The following FAM168A variants were observed in gnomAD, a reference collection of about 807,000 sequenced individuals.
FAM168A encodes protein FAM168A.
FAM168A carries 3 observed loss-of-function variants against 28.5 expected under a neutral mutation model. The observed-to-expected ratio is 0.11, with a 90% confidence interval of 0.05 to 0.27. The LOEUF is 0.27. FAM168A is among the 10% of genes least tolerant of loss of function. The pLI is 1.00. For synonymous variants in FAM168A, 122 were observed against 124.2 expected, an observed-to-expected ratio of 0.98 and a Z score of 0.12; for missense variants, 222 against 311.5, an observed-to-expected ratio of 0.71 and a Z score of 2.16.
intron 2 of FAM168A, among the ~76,000 whole-genome samples, chr11:73,460,520 T>TG (rs1468792659): frequency 6.7e-6 from 1 of 149,222 alleles, no homozygotes; most frequent in Non-Finnish European, 1.5e-5. Flanking sequence ...TTTTTTTTTT[T>TG]TGAGACAAAG....
chr11:73,540,491 A>C (rs1943640220), intron 1 of FAM168A, among the ~76,000 whole-genome samples: 1 of 152,038 alleles, frequency 6.6e-6, no homozygotes, highest in African/African-American at 2.4e-5. Context: ...TGACTCCACA[A>C]CTCTATGCAT....
In FAM168A at chr11:73,470,140, G is replaced by C. The variant is rs150654470; in HGVS notation, c.-18-1648C>G. ...TTAGCCAGGATGGTCTCGAACTCCT[G>C]ACCTCGTGATCCACCCACCTCAGCC... is the stretch of plus-strand genomic sequence containing the variant. On this transcript the variant is annotated intron_variant, in intron 1 of 7. Transcript: ENST00000356467. Among the ~76,000 whole-genome samples, 113 of 152,224 alleles carry C rather than the reference G, an allele frequency of 7.4e-4. 1 individual carries two copies. The East Asian group carries it at 0.021, about 28-fold the overall frequency.
intron 1 of FAM168A, among the ~76,000 whole-genome samples, chr11:73,557,185 C>T (rs762775328): frequency 4.6e-5 from 7 of 152,108 alleles, no homozygotes; most frequent in Non-Finnish European, 8.8e-5. Context: ...AATTCTGACA[C>T]GTACCAAAAC....
In FAM168A at chr11:73,422,369, G is replaced by A. The variant is rs188924367; in HGVS notation, c.152-2370C>T. Reference sequence around the variant, plus strand: ...GAAAATGAATTAGTGTTTTCCGTACGCCTCTGTATATTTGAATCCTTATAA... The same window carrying A: ...GAAAATGAATTAGTGTTTTCCGTACACCTCTGTATATTTGAATCCTTATAA... On this transcript the variant is annotated intron_variant, in intron 3 of 7. Coordinates refer to ENST00000356467, the MANE Select transcript of FAM168A (RefSeq NM_015159.3). Among the ~76,000 whole-genome samples, 444 of 151,888 alleles carry A rather than the reference G, an allele frequency of 2.9e-3. 1 individual carries two copies. Among genetic ancestry groups the A allele is most frequent in the Middle Eastern group, 0.01 (3 of 294 alleles).
rs1944354341 is a variant in FAM168A, at chr11:73,589,422, TG to T, written c.-19+8500del. On this transcript the variant is annotated intron_variant, in intron 1 of 7. Coordinates refer to ENST00000356467, the MANE Select transcript of FAM168A (RefSeq NM_015159.3). ...TGGGCGTCCAACCTTTTGGTTTCCC[TG>T]GGCTACACTGGAAGAAAAATTGACT... Among the ~76,000 whole-genome samples, 2 of 150,338 alleles carry T rather than the reference TG, an allele frequency of 1.3e-5. 1 individual carries two copies. Among genetic ancestry groups the T allele is most frequent in the Non-Finnish European group, 3.0e-5 (2 of 67,796 alleles).
chr11:73,436,411 T>A (rs1183316862), intron 2 of FAM168A, among the ~76,000 whole-genome samples: 1 of 152,112 alleles, frequency 6.6e-6, no homozygotes, highest in Non-Finnish European at 1.5e-5. Flanking sequence ...TACTTCTTTG[T>A]GAGCAGGAGA....
Position 73,414,196 on chromosome 11 carries a change from GT to G in FAM168A, c.278-2661del, listed in dbSNP as rs2134486519. ...TTTAAAACAATTAAATTTCAGCCAT[GT>G]TTTTTGTAATTGAAGCTAGTTTTGG... On this transcript the variant is annotated intron_variant, in intron 4 of 7. Transcript: ENST00000356467. Among the ~76,000 whole-genome samples the G allele has an allele frequency of 2.0e-5, 3 of 152,170 alleles. No homozygotes were observed. In the East Asian group the frequency reaches 5.8e-4, roughly 29 times the overall value.
At chr11:73,464,065 A>G (rs1469284614) in intron 2 of FAM168A, among the ~76,000 whole-genome samples, 3 of 152,188 alleles carry the variant, frequency 2.0e-5, no homozygotes, top group Non-Finnish European at 1.5e-5. Context: ...ATAGCCATGT[A>G]TGCTAGAGCC....
intron 2 of FAM168A, among the ~76,000 whole-genome samples, chr11:73,449,143 T>C (rs959890886): frequency 2.0e-5 from 3 of 152,042 alleles, no homozygotes; most frequent in Admixed American, 2.0e-4. Context: ...ATTTAAAAAT[T>C]TTTTTTTGGA....
chr11:73,467,582 T>C (rs181456579), intron 2 of FAM168A, among the ~76,000 whole-genome samples: 14 of 152,296 alleles, frequency 9.2e-5, no homozygotes, highest in Non-Finnish European at 1.6e-4. Context: ...AATAGATAAA[T>C]GCAACTGTTC....
chr11:73,495,803 A>G (rs1000231048), intron 1 of FAM168A, among the ~76,000 whole-genome samples: 2 of 152,226 alleles, frequency 1.3e-5, no homozygotes, highest in African/African-American at 4.8e-5. Flanking sequence ...AGAAATTGGA[A>G]CCCTTATTTA....
At chr11:73,441,231 TG>T (rs1165252746) in intron 2 of FAM168A, among the ~76,000 whole-genome samples, 1 of 151,974 alleles carries the variant, frequency 6.6e-6, no homozygotes, top group African/African-American at 2.4e-5. Flanking sequence ...GCTAATTTTT[TG>T]TATCTTAGTA....
chr11:73,494,529 C>T (rs1176298507), intron 1 of FAM168A, among the ~76,000 whole-genome samples: 1 of 152,190 alleles, frequency 6.6e-6, no homozygotes, highest in African/African-American at 2.4e-5. Context: ...CCTGGCAGAA[C>T]CACCCTTGTT....
intron 1 of FAM168A, among the ~76,000 whole-genome samples, chr11:73,505,646 TCTCA>T (rs1269978405): frequency 6.6e-6 from 1 of 152,004 alleles, no homozygotes; most frequent in Non-Finnish European, 1.5e-5. Context: ...TCAAGGAAAG[TCTCA>T]CTGAGAAGGT....
chr11:73,524,058 G>C (rs960250854), intron 1 of FAM168A, among the ~76,000 whole-genome samples: 3 of 151,816 alleles, frequency 2.0e-5, no homozygotes, highest in Non-Finnish European at 4.4e-5. Flanking sequence ...GTTTTGACTG[G>C]GTATAGAATT....
At chr11:73,521,917 G>T (rs1030275791) in intron 1 of FAM168A, among the ~76,000 whole-genome samples, 4 of 152,138 alleles carry the variant, frequency 2.6e-5, no homozygotes, top group African/African-American at 7.2e-5. Flanking sequence ...ACTACATGAG[G>T]CACAGCAAAT....
intron 2 of FAM168A, among the ~76,000 whole-genome samples, chr11:73,445,419 C>CTCTTTT (rs776745757): frequency 5.9e-5 from 3 of 50,432 alleles, no homozygotes; most frequent in Non-Finnish European, 7.3e-5. Flanking sequence ...AAAAATGTCT[C>CTCTTTT]TTTTTTTTTT....
intron 1 of FAM168A, among the ~76,000 whole-genome samples, chr11:73,510,032 T>C (rs893203273): frequency 6.6e-6 from 1 of 152,200 alleles, no homozygotes; most frequent in African/African-American, 2.4e-5. Context: ...TCTCTCCAAG[T>C]GCAGCTAACA....
chr11:73,558,038 T>C (rs1943910506), intron 1 of FAM168A, among the ~76,000 whole-genome samples: 1 of 152,150 alleles, frequency 6.6e-6, no homozygotes, highest in African/African-American at 2.4e-5. Flanking sequence ...ATTAAAGACC[T>C]AAATATAAGG....
Sources: gnomAD v4.1 joint callset for allele counts (sites outside exome capture counted in the v4.1 genomes callset) on GRCh38, gnomAD v4.1.1 for gene constraint, MANE v1.5 for transcripts, NCBI Gene and HGNC (gene_info 2026-07-23, HGNC 2026-07-21) for gene names.